NRG3: variants seen among roughly 807,000 people sequenced by gnomAD.
NRG3 encodes the protein pro-neuregulin-3, membrane-bound isoform.
In NRG3, 31 loss-of-function variants were observed where a neutral mutation model predicts 66.9. The observed-to-expected ratio is 0.46, with a 90% CI of 0.35 to 0.63. NRG3 has a LOEUF of 0.63. Among genes scored for constraint, NRG3 ranks in the 20% least tolerant of loss-of-function variants. The probability of loss-of-function intolerance (pLI) is 0.00; values close to 1 mark genes in which losing one functional copy is unlikely to be tolerated. For missense variants in NRG3, 910 were observed against 878.9 expected (o/e 1.04, Z -0.45); for synonymous variants, 393 against 359.4 (o/e 1.09, Z -1.06).
chr10:82,682,374 G>A (rs540519937), intron 2 of NRG3, among the ~76,000 whole-genome samples: 13 of 151,076 alleles, frequency 8.6e-5, no homozygotes, highest in African/African-American at 3.2e-4. Context: ...TGGATAGATA[G>A]ATGATAGGTA....
intron 2 of NRG3, among the ~76,000 whole-genome samples, chr10:82,671,570 G>A (rs1360024243): frequency 2.0e-5 from 3 of 152,192 alleles, no homozygotes; most frequent in Admixed American, 2.0e-4. Flanking sequence ...CTTCAGGTTG[G>A]ACAGCTCTGG....
chr10:82,661,163 A>G (rs1013253839), intron 2 of NRG3, among the ~76,000 whole-genome samples: 1 of 152,122 alleles, frequency 6.6e-6, no homozygotes, highest in African/African-American at 2.4e-5. Context: ...ACAATTACTC[A>G]CTGGGCTCTT....
intron 4 of NRG3, among the ~76,000 whole-genome samples, chr10:82,897,327 A>G (rs1885611): frequency 0.3 from 45,269 of 152,046 alleles, 7,070 homozygotes; most frequent in East Asian, 0.53. Flanking sequence ...TTTAAATGCT[A>G]AATGAGATGA....
intron 1 of NRG3, among the ~76,000 whole-genome samples, chr10:82,097,939 G>A (rs1485528397): frequency 2.6e-5 from 4 of 151,466 alleles, no homozygotes; most frequent in East Asian, 1.9e-4. Flanking sequence ...ACTTTTAATC[G>A]GGTCATTTGT....
intron 1 of NRG3, among the ~76,000 whole-genome samples, chr10:82,256,441 G>T (rs1030753366): frequency 8.5e-5 from 13 of 152,052 alleles, no homozygotes; most frequent in Admixed American, 8.5e-4. Context: ...ATGGCTCACT[G>T]CCCTCTTCAG....
At chr10:82,434,957 A>C in intron 2 of NRG3, among the ~76,000 whole-genome samples, 1 of 152,180 alleles carries the variant, frequency 6.6e-6, no homozygotes, top group East Asian at 1.9e-4. Flanking sequence ...TGCTGGCTTC[A>C]TAAAATGAGT....
chr10:82,324,743 T>C (rs1157460096), intron 1 of NRG3, among the ~76,000 whole-genome samples: 2 of 152,228 alleles, frequency 1.3e-5, no homozygotes. Context: ...TATTGATCTC[T>C]AACTTAATTC....
At chr10:82,012,726 G>T (rs11192162) in intron 1 of NRG3, among the ~76,000 whole-genome samples, 20,742 of 152,072 alleles carry the variant, frequency 0.14, 1,778 homozygotes, top group East Asian at 0.27. Flanking sequence ...CAAGTTCAAA[G>T]TTCCAGAGAT....
intron 1 of NRG3, among the ~76,000 whole-genome samples, chr10:82,133,999 A>G (rs1024201646): frequency 1.3e-5 from 2 of 151,892 alleles, no homozygotes; most frequent in African/African-American, 4.8e-5. Context: ...TTTGATTTGC[A>G]TTTCTCTAAT....
At chr10:82,124,331 T>A (rs1289006442) in intron 1 of NRG3, among the ~76,000 whole-genome samples, 1 of 152,094 alleles carries the variant, frequency 6.6e-6, no homozygotes, top group Non-Finnish European at 1.5e-5. Flanking sequence ...GTAGTAATTA[T>A]TAACTTACAT....
chr10:82,715,227 G>A (rs974651856), intron 2 of NRG3, among the ~76,000 whole-genome samples: 10 of 152,142 alleles, frequency 6.6e-5, no homozygotes, highest in African/African-American at 9.6e-5. Flanking sequence ...AAACCCCATC[G>A]CTACCAAAAA....
chr10:82,312,706 A>C (rs1043530695), intron 1 of NRG3, among the ~76,000 whole-genome samples: 18 of 152,236 alleles, frequency 1.2e-4, no homozygotes, highest in African/African-American at 4.1e-4. Flanking sequence ...TCAAAAACGA[A>C]AAAGAAAAAT....
chr10:82,118,473 C>A (rs1197150389), intron 1 of NRG3, among the ~76,000 whole-genome samples: 3 of 151,742 alleles, frequency 2.0e-5, no homozygotes, highest in Non-Finnish European at 4.4e-5. Flanking sequence ...AGATGTTTTT[C>A]TTTTTTAATA....
At chr10:81,922,663 G>T (rs10883911) in intron 1 of NRG3, among the ~76,000 whole-genome samples, 16,263 of 152,024 alleles carry the variant, frequency 0.11, 1,304 homozygotes, top group East Asian at 0.22. Flanking sequence ...CTGTCTTTCG[G>T]GGGGTCAGGT....
chr10:82,266,056 G>T (rs968478138), intron 1 of NRG3, among the ~76,000 whole-genome samples: 5 of 152,118 alleles, frequency 3.3e-5, no homozygotes, highest in Non-Finnish European at 2.9e-5. Context: ...ATGATGGCAT[G>T]CCTTGAGTGC....
At chr10:81,978,264 G>T (rs1242049846) in intron 1 of NRG3, among the ~76,000 whole-genome samples, 1 of 152,120 alleles carries the variant, frequency 6.6e-6, no homozygotes, top group Non-Finnish European at 1.5e-5. Flanking sequence ...TATAGATTTT[G>T]ATAGTGGGAT....
At chr10:82,413,660 TTTCATCCATATTGAAAACCTG>T (rs2088300549) in intron 2 of NRG3, among the ~76,000 whole-genome samples, 1 of 152,184 alleles carries the variant, frequency 6.6e-6, no homozygotes, top group East Asian at 1.9e-4. Flanking sequence ...TAAAAAGCTG[TTTCATCCATATTGAAAACCTG>T]TTGTTTATTG....
intron 1 of NRG3, among the ~76,000 whole-genome samples, chr10:82,223,674 C>CACACACACAT (rs572874698): frequency 4.6e-5 from 7 of 151,286 alleles, no homozygotes; most frequent in African/African-American, 1.7e-4. Context: ...CACACACACA[C>CACACACACAT]ACACACACAT....
At chr10:82,784,745 A>C (rs1591516889) in intron 3 of NRG3, among the ~76,000 whole-genome samples, 1 of 152,154 alleles carries the variant, frequency 6.6e-6, no homozygotes, top group South Asian at 2.1e-4. Context: ...GAACACTTTT[A>C]CACTGTTGGT....
Sources: gnomAD v4.1 joint callset for allele counts (sites outside exome capture counted in the v4.1 genomes callset) on GRCh38, gnomAD v4.1.1 for gene constraint, MANE v1.5 for transcripts, NCBI Gene and HGNC (gene_info 2026-07-23, HGNC 2026-07-21) for gene names.